TG: variants seen among roughly 807,000 people sequenced by gnomAD.
TG encodes the protein thyroglobulin.
A neutral mutation model predicts 324.7 loss-of-function variants in TG; 270 were observed. The ratio of observed to expected loss-of-function variants is 0.83; its 90% CI spans 0.75 to 0.92. The LOEUF (loss-of-function observed/expected upper bound fraction) is 0.92. Among genes scored for constraint, TG ranks in the 40% least tolerant of loss-of-function variants. The pLI is 0.00. For synonymous variants in TG, 1,401 were observed against 1,327.0 expected (o/e 1.06, Z -1.21); for missense variants, 3,591 against 3,456.4 (o/e 1.04, Z -0.98).
chr8:133,078,608 A>G (rs2131507085), intron 41 of TG, among the ~76,000 whole-genome samples: 1 of 152,236 alleles, frequency 6.6e-6, no homozygotes, highest in Middle Eastern at 3.4e-3. Context: ...TTTTGTTAGC[A>G]CTCACTGTGT....
intron 8 of TG, chr8:132,883,291 C>T: frequency 2.4e-6 from 1 of 418,660 alleles, no homozygotes; most frequent in Non-Finnish European, 4.4e-6. Context: ...CAGGAGCATG[C>T]ACATAACTAA....
intron 41 of TG, among the ~76,000 whole-genome samples, chr8:133,039,791 G>A (rs756150141): frequency 5.9e-5 from 9 of 152,156 alleles, no homozygotes; most frequent in Non-Finnish European, 1.2e-4. Flanking sequence ...CACACACCTC[G>A]TGAGGCCTGA....
rs759899440 is a variant in TG, at chr8:132,886,733, C to T, written c.1361C>T (p.Ala454Val). The change falls in exon 9 of 48, where the codon GCT (alanine) becomes GTT (valine). Residue 454 changes from alanine to valine, a missense_variant. Coordinates refer to ENST00000220616, the MANE Select transcript of TG (RefSeq NM_003235.5). ...IRAIFPSRGL[A>V]RLALQFTTNP... ...GCAATTTTTCCCTCCCGAGGGCTGG[C>T]TCGTCTTGCCCTTCAGTTTACCACC... is the stretch of plus-strand genomic sequence containing the variant. The T allele has an allele frequency of 1.2e-6, 2 of 1,614,218 alleles. No individual in the cohort carries two copies. The highest frequency in any genetic ancestry group is 8.5e-7 in the Non-Finnish European group (1 of 1,180,038).
intron 40 of TG, among the ~76,000 whole-genome samples, chr8:133,023,697 C>G (rs1835757593): frequency 6.6e-6 from 1 of 152,192 alleles, no homozygotes; most frequent in Admixed American, 6.5e-5. Context: ...GAGCCTGGGC[C>G]TGGGGAACTT....
chr8:132,963,709 ATGCATGGACGCAC>A (rs60930367), intron 29 of TG, among the ~76,000 whole-genome samples: 113,075 of 149,988 alleles, frequency 0.75, 42,969 homozygotes, highest in African/African-American at 0.84. Flanking sequence ...GTGTATTTGC[ATGCATGGACGCAC>A]TGTAGGAATA....
At position 133,095,185 on chromosome 8, in the gene TG, G is replaced by T; in HGVS notation, c.7381G>T (p.Val2461Phe). The change falls in exon 42 of 48, where the codon GTC becomes TTC. Residue 2461 changes from valine (V) to phenylalanine (F), a missense_variant. Physicochemically the swap from Val to Phe is conservative, Grantham distance 50 (BLOSUM62 -1). Coordinates refer to ENST00000220616, the MANE Select transcript of TG (RefSeq NM_003235.5). Reference protein sequence around the residue: ...VSCLRQKPANVLNDAQTKLLA... With the variant: ...VSCLRQKPANFLNDAQTKLLA... Reference sequence around the variant, plus strand: ...CTGCCTCCGCCAGAAGCCTGCCAATGTCCTCAATGATGCCCAGACCAAGGT... The same window carrying T: ...CTGCCTCCGCCAGAAGCCTGCCAATTTCCTCAATGATGCCCAGACCAAGGT... 1 of 1,614,200 alleles carries T rather than the reference G, an allele frequency of 6.2e-7. No individual in the cohort carries two copies. The highest frequency in any genetic ancestry group is 8.5e-7 in the Non-Finnish European group (1 of 1,180,034).
intron 41 of TG, among the ~76,000 whole-genome samples, chr8:133,045,615 G>A (rs969271597): frequency 2.6e-5 from 4 of 151,898 alleles, no homozygotes; most frequent in African/African-American, 4.8e-5. Flanking sequence ...GGCTGATCTC[G>A]AACTCCTGGA....
rs775118166 is a variant in TG, at chr8:133,013,603, G to C, written c.6401G>C (p.Cys2134Ser). 1.2e-6 allele frequency: 2 copies of C among 1,614,162 alleles called. No homozygotes were observed. The highest frequency in any genetic ancestry group is 1.7e-6 in the Non-Finnish European group (2 of 1,180,040). Residue 2134 changes from cysteine to serine, a missense_variant, in exon 37 of 48, where the codon TGT (cysteine) becomes TCT (serine). Physicochemically the swap from Cys to Ser is moderately radical, Grantham distance 112 (BLOSUM62 -1). Transcript: ENST00000220616. Reference sequence around the variant, plus strand: ...CTCTTCTCCCTCTTTTCTGCAGAATGTTCCCAACATGAGGCCTGTCTCATC... The same window carrying C: ...CTCTTCTCCCTCTTTTCTGCAGAATCTTCCCAACATGAGGCCTGTCTCATC... ...SAVRDLCLSE[C>S]SQHEACLITT... is the part of the protein sequence containing the mutation.
At position 132,913,352 on chromosome 8, in the gene TG, T is replaced by G; in HGVS notation, c.4378+87T>G. Reference sequence around the variant, plus strand: ...CCTCAGCACTGGAGAGAGGCTACTCTGGACATCCAGGGCTGAGAACCATCC... The same window carrying G: ...CCTCAGCACTGGAGAGAGGCTACTCGGGACATCCAGGGCTGAGAACCATCC... On this transcript the variant is annotated intron_variant, in intron 20 of 47. Coordinates refer to ENST00000220616, the MANE Select transcript of TG (RefSeq NM_003235.5). 16 of 1,366,906 alleles carry G rather than the reference T, an allele frequency of 1.2e-5. No homozygotes were observed. In the South Asian group the frequency reaches 1.9e-4, roughly 16 times the overall value. 84.7% of individuals were successfully genotyped at this position (1,366,906 alleles called of 1,614,324 possible).
At chr8:133,030,101 T>G in intron 41 of TG, 78 bp downstream of exon 41, 1 of 1,574,436 alleles carries the variant, frequency 6.4e-7, no homozygotes, top group Non-Finnish European at 8.7e-7. Context: ...TGCAAAAGTC[T>G]AGTTGGCTTC....
chr8:133,068,108 A>C (rs1843379183), intron 41 of TG, among the ~76,000 whole-genome samples: 1 of 152,216 alleles, frequency 6.6e-6, no homozygotes, highest in Non-Finnish European at 1.5e-5. Flanking sequence ...GCATCACTTG[A>C]AAAGTAGCAA....
chr8:132,995,755 GGAATTTTGCTCGTAAT>G (rs1264137110), intron 35 of TG, among the ~76,000 whole-genome samples: 6 of 152,136 alleles, frequency 3.9e-5, no homozygotes, highest in Admixed American at 2.0e-4. Context: ...AATTTCACTA[GGAATTTTGCTCGTAAT>G]GAACTTAGTA....
chr8:132,956,447 C>T (rs959697563), intron 27 of TG, among the ~76,000 whole-genome samples: 8 of 152,040 alleles, frequency 5.3e-5, no homozygotes, highest in South Asian at 4.1e-4. Flanking sequence ...ACTCAGAGGA[C>T]GGGGGTGTGT....
chr8:133,096,061 G>T, intron 42 of TG, 145 bp from the exon 43 acceptor site: 2 of 956,074 alleles, frequency 2.1e-6, no homozygotes, highest in South Asian at 2.8e-5. Context: ...ATGGTGTCCT[G>T]CCTGCCAGTT....
chr8:132,935,664 G>A (rs1823475571), intron 24 of TG, 92 bp from the exon 25 acceptor site: 1 of 1,147,960 alleles, frequency 8.7e-7, no homozygotes, highest in African/African-American at 1.5e-5. Flanking sequence ...TTGTAGCCCT[G>A]GTGCCTAGCC....
chr8:133,038,422 G>C, intron 41 of TG: 2 of 874,930 alleles, frequency 2.3e-6, no homozygotes, highest in Non-Finnish European at 3.8e-6. Flanking sequence ...TCTAAAATAC[G>C]TGAGGCTCCC....
At chr8:133,107,062 T>C (rs1311324614) in intron 43 of TG, among the ~76,000 whole-genome samples, 1 of 152,238 alleles carries the variant, frequency 6.6e-6, no homozygotes, top group Non-Finnish European at 1.5e-5. Context: ...AGAGAAGTCA[T>C]ATTTATTGTC....
In TG at chr8:132,893,894, G is replaced by T; in HGVS notation, c.2966G>T (p.Gly989Val). 6.2e-7 allele frequency: 1 copy of T among 1,614,064 alleles called. No individual in the cohort carries two copies. Among genetic ancestry groups the T allele is most frequent in the Non-Finnish European group, 8.5e-7 (1 of 1,179,966 alleles). ...REAFAEQFLR[G>V]SDYAIRLAAQ... ...GCTTTCGCGGAGCAGTTTCTGCGTG[G>T]GAGTGATTACGCCATTCGCCTGGCG... Residue 989 changes from glycine to valine, a missense_variant, in exon 11 of 48, where the codon GGG becomes GTG. Coordinates refer to ENST00000220616, the MANE Select transcript of TG (RefSeq NM_003235.5).
intron 26 of TG, among the ~76,000 whole-genome samples, chr8:132,943,439 A>T (rs927302103): frequency 6.6e-6 from 1 of 152,118 alleles, no homozygotes; most frequent in Non-Finnish European, 1.5e-5. Context: ...TCATGAGCCA[A>T]TTAAATCTCT....
Sources: allele counts gnomAD v4.1 joint callset (sites outside exome capture counted in the v4.1 genomes callset), GRCh38; gene constraint gnomAD v4.1.1; transcripts MANE v1.5; gene names NCBI Gene and HGNC (gene_info 2026-07-23, HGNC 2026-07-21).